The following ABCA1 variants were observed in gnomAD, a reference collection of about 807,000 sequenced individuals.
ABCA1 encodes the protein phospholipid-transporting ATPase ABCA1.
In ABCA1, 133 loss-of-function variants were observed where a neutral mutation model predicts 262.5. The ratio of observed to expected loss-of-function variants is 0.51; its 90% confidence interval spans 0.44 to 0.59. ABCA1 has a LOEUF of 0.59. ABCA1 is among the 20% of genes least tolerant of loss of function. ABCA1 has a pLI of 0.00. For missense variants in ABCA1, 2,452 were observed against 2,777.5 expected, an observed-to-expected ratio of 0.88 and a Z score of 2.63; for synonymous variants, 1,022 against 1,043.5, an observed-to-expected ratio of 0.98 and a Z score of 0.40.
chr9:104,882,045 A>C (rs956415420), intron 5 of ABCA1, among the ~76,000 whole-genome samples: 10 of 149,116 alleles, frequency 6.7e-5, no homozygotes, highest in African/African-American at 1.5e-4. Context: ...AAAAAAAAAA[A>C]AAAAAAAAAA....
At chr9:104,832,407 T>C (rs1833423168) in intron 12 of ABCA1, among the ~76,000 whole-genome samples, 167 bp downstream of exon 12, 1 of 152,194 alleles carries the variant, frequency 6.6e-6, no homozygotes, top group Non-Finnish European at 1.5e-5. Flanking sequence ...TCAACTAACA[T>C]TTATTAAGTG....
intron 5 of ABCA1, 145 bp from the exon 6 acceptor site, chr9:104,861,945 G>C: frequency 1.3e-6 from 1 of 751,018 alleles, no homozygotes; most frequent in South Asian, 1.7e-5. Flanking sequence ...ATGAGATAGG[G>C]GAGCATCGCC....
intron 1 of ABCA1, among the ~76,000 whole-genome samples, chr9:104,908,822 T>C (rs1178912441): frequency 1.3e-5 from 2 of 152,152 alleles, no homozygotes; most frequent in African/African-American, 4.8e-5. Flanking sequence ...TATATGACAT[T>C]CTGGAAAAGG....
chr9:104,819,541 G>A (rs375479353), intron 22 of ABCA1, 45 bp downstream of exon 22: 66 of 1,612,618 alleles, frequency 4.1e-5, no homozygotes, highest in Middle Eastern at 1.8e-4. Context: ...AAAGCCCCCC[G>A]CTCTCTCTCA....
At chr9:104,814,508 C>G (rs1027428307) in intron 25 of ABCA1, 33 bp from the exon 26 acceptor site, 2 of 1,605,494 alleles carry the variant, frequency 1.2e-6, no homozygotes, top group Non-Finnish European at 1.7e-6. Flanking sequence ...ACATTATAAG[C>G]ACCAACATTA....
In ABCA1 at chr9:104,837,568, C is replaced by G; in HGVS notation, c.1055-1G>C. ...TTCATCAAATCATTGCAGTAAGGAG[C>G]TATGAAGAAGAGGAGAGACAAATGC... is the stretch of plus-strand genomic sequence containing the variant. On this transcript the variant is annotated splice_acceptor_variant, in intron 9 of 49. Transcript: ENST00000374736. LOFTEE classifies it high-confidence loss of function. The G allele has an allele frequency of 6.2e-7, 1 of 1,613,836 alleles. No individual in the cohort carries two copies.
At chr9:104,823,064 G>GAAAAAAAAAAAAAAA (rs34239819) in intron 18 of ABCA1, among the ~76,000 whole-genome samples, 1 of 138,500 alleles carries the variant, frequency 7.2e-6, no homozygotes. Flanking sequence ...ACTGCTGAGT[G>GAAAAAAAAAAAAAAA]AAAAAAAAAA....
intron 8 of ABCA1, among the ~76,000 whole-genome samples, chr9:104,842,924 C>G (rs533455346): frequency 1.3e-5 from 2 of 152,182 alleles, no homozygotes; most frequent in African/African-American, 2.4e-5. Context: ...CTCCTCCCCC[C>G]ACCACTTGCT....
chr9:104,831,149 T>TAAG, intron 13 of ABCA1, 48 bp from the exon 14 acceptor site: 1 of 924,052 alleles, frequency 1.1e-6, no homozygotes, highest in Non-Finnish European at 1.5e-6. Flanking sequence ...AACCATACAA[T>TAAG]AAAAAAAAAA....
chr9:104,804,680 C>T lies in ABCA1; in HGVS notation c.4505G>A (p.Gly1502Glu), dbSNP rs1830615931. The change falls in exon 32 of 50, where the codon GGA becomes GAA. Residue 1502 changes from glycine to glutamate, a missense_variant. Gly to Glu is a moderately conservative substitution (Grantham distance 98). Coordinates refer to ENST00000374736, the MANE Select transcript of ABCA1 (RefSeq NM_005502.4). Reference protein sequence around the residue: ...NTADILQDLTGRNISDYLVKT... With the variant: ...NTADILQDLTERNISDYLVKT... ...CACCAGATAATCCGAAATGTTTCTT[C>T]CTGTCAGGTCCTGAAGGATATCTGC... 1 of 1,614,104 alleles carries T rather than the reference C, an allele frequency of 6.2e-7. No homozygotes were observed. The highest frequency in any genetic ancestry group is 1.7e-5 in the Admixed American group (1 of 60,010).
chr9:104,849,256 G>A (rs142380047), intron 7 of ABCA1, among the ~76,000 whole-genome samples: 118 of 152,308 alleles, frequency 7.7e-4, no homozygotes, highest in African/African-American at 2.7e-3. Flanking sequence ...GAGCATGGAT[G>A]TAAACATAGG....
At chr9:104,862,649 C>CGCCGGGCAGGGCA (rs1836584932) in intron 5 of ABCA1, among the ~76,000 whole-genome samples, 2 of 11,694 alleles carry the variant, frequency 1.7e-4, no homozygotes, top group African/African-American at 5.4e-4. Flanking sequence ...CGGGCCGGGC[C>CGCCGGGCAGGGCA]GGGCCGGGCC....
intron 32 of ABCA1, 28 bp from the exon 33 acceptor site, chr9:104,803,344 G>C: frequency 6.2e-7 from 1 of 1,612,834 alleles, no homozygotes; most frequent in Non-Finnish European, 8.5e-7. Context: ...CAAAAAATCA[G>C]TTCAAAGAAA....
chr9:104,825,283 A>G (rs1588313413), intron 17 of ABCA1, among the ~76,000 whole-genome samples: 1 of 152,196 alleles, frequency 6.6e-6, no homozygotes, highest in South Asian at 2.1e-4. Flanking sequence ...GGGCTTATTG[A>G]CCCAGTGTAA....
At chr9:104,897,109 G>C (rs1048894356) in intron 2 of ABCA1, among the ~76,000 whole-genome samples, 4 of 152,078 alleles carry the variant, frequency 2.6e-5, no homozygotes, top group Non-Finnish European at 5.9e-5. Flanking sequence ...TCACTGGGAT[G>C]ACATGATATG....
chr9:104,893,627 A>G (rs552296738), intron 2 of ABCA1, among the ~76,000 whole-genome samples: 2 of 152,242 alleles, frequency 1.3e-5, no homozygotes, highest in African/African-American at 4.8e-5. Flanking sequence ...TATATTAATT[A>G]CTTAATTTAA....
chr9:104,855,792 C>T (rs1484185506), intron 7 of ABCA1: 2 of 1,577,728 alleles, frequency 1.3e-6, no homozygotes, highest in Admixed American at 3.7e-5. Flanking sequence ...CCCACACTGC[C>T]ATACTTTCCC....
intron 7 of ABCA1, chr9:104,855,152 C>T (rs2487039): frequency 0.14 from 134,774 of 982,936 alleles, 9,855 homozygotes; most frequent in East Asian, 0.33. Flanking sequence ...AGGACCACTT[C>T]GCTTGGTATG....
chr9:104,840,135 C>T (rs2119034010), intron 9 of ABCA1, 144 bp downstream of exon 9: 11 of 1,399,618 alleles, frequency 7.9e-6, no homozygotes, highest in Non-Finnish European at 9.8e-6. Flanking sequence ...AAGCCTCTCT[C>T]CTCTAGGAAG....
Sources: gnomAD v4.1 joint callset for allele counts (sites outside exome capture counted in the v4.1 genomes callset) on GRCh38, gnomAD v4.1.1 for gene constraint, MANE v1.5 for transcripts, NCBI Gene and HGNC (gene_info 2026-07-23, HGNC 2026-07-21) for gene names.